Variants in ENTPD3 observed in about 807,000 individuals in gnomAD.
The protein encoded by ENTPD3 is ectonucleoside triphosphate diphosphohydrolase 3.
In ENTPD3, 60 loss-of-function variants were observed where a neutral mutation model predicts 51.2. The ratio of observed to expected loss-of-function variants is 1.17; its 90% CI spans 0.95 to 1.45. ENTPD3 has a LOEUF of 1.45. Ranked by LOEUF, ENTPD3 falls within the 40% of genes most tolerant of loss-of-function variation. The pLI, the probability that ENTPD3 is intolerant of heterozygous loss-of-function variation, is 0.00. For synonymous variants in ENTPD3, 221 were observed against 238.4 expected (o/e 0.93, Z 0.67); for missense variants, 593 against 641.1 (o/e 0.93, Z 0.81).
rs200401370 is a variant in ENTPD3, at chr3:40,421,026, T to A, written c.832-1824T>A. Among the ~76,000 whole-genome samples the A allele has an allele frequency of 0.012, 1,362 of 112,016 alleles. 64 individuals carry two copies. In the South Asian group the frequency reaches 0.13, roughly 11 times the overall value. The allele number at this position is 112,016 out of a possible 152,430, so 73.5% of individuals were successfully genotyped here. ...AATAATAATAATTAATTAATTTAAA[T>A]TTTTTTTTTTTTTTTGAGACGGAGT... On this transcript the variant is annotated intron_variant, in intron 7 of 10. Transcript: ENST00000301825.
rs202138813 is a variant in ENTPD3 at position 40,400,892 on chromosome 3, A to G, written c.169-2A>G. 6.2e-7 allele frequency: 1 copy of G among 1,611,390 alleles called. No individual in the cohort carries two copies. Among genetic ancestry groups the G allele is most frequent in the Non-Finnish European group, 8.5e-7 (1 of 1,178,006 alleles). ...TGACTCTCCCTTTCCCTTTTTATTC[A>G]GTATGGTATTGTGCTGGATGCCGGG... On this transcript the variant is annotated splice_acceptor_variant, in intron 3 of 10. Coordinates refer to ENST00000301825, the MANE Select transcript of ENTPD3 (RefSeq NM_001248.4). LOFTEE classifies it high-confidence loss of function.
At chr3:40,424,925 C>A in intron 10 of ENTPD3, 1 of 632,444 alleles carries the variant, frequency 1.6e-6, no homozygotes, top group South Asian at 1.7e-5. Flanking sequence ...ATAAGGATGT[C>A]TGGAGACATA....
chr3:40,393,921 G>A (rs1303812447), intron 3 of ENTPD3, among the ~76,000 whole-genome samples: 3 of 151,526 alleles, frequency 2.0e-5, no homozygotes, highest in African/African-American at 7.3e-5. Flanking sequence ...GTGGGCGCCT[G>A]TAGTCCCAGC....
Position 40,405,948 on chromosome 3 carries a change from C to T in ENTPD3, c.286+4937C>T, listed in dbSNP as rs115146350. Among the ~76,000 whole-genome samples the T allele has an allele frequency of 7.8e-3, 1,183 of 152,198 alleles. 8 individuals are homozygous for T. Among genetic ancestry groups the T allele is most frequent in the Non-Finnish European group, 8.7e-3 (593 of 68,020 alleles). ...TGTATTAGGTGCCTGCTGTTTGATACGAACTGTTCTTGGCACCAGGAATTC... is the reference window on the plus strand; with the variant it reads ...TGTATTAGGTGCCTGCTGTTTGATATGAACTGTTCTTGGCACCAGGAATTC... On this transcript the variant is annotated intron_variant, in intron 4 of 10. Transcript: ENST00000301825.
In ENTPD3 at chr3:40,421,081, T is replaced by C. The variant is rs993820300; in HGVS notation, c.832-1769T>C. On this transcript the variant is annotated intron_variant, in intron 7 of 10. Transcript: ENST00000301825. ...CTTTGTCACCCAGGCTGGAGTGTAA[T>C]GGTGCAATCTCGGTTTGCTGCAACC... 4.6e-5 allele frequency among the ~76,000 whole-genome samples: 7 copies of C among 151,532 alleles called. No individual in the cohort carries two copies. In the South Asian group the frequency reaches 1.5e-3, roughly 32 times the overall value.
chr3:40,393,793 T>C (rs527362603), intron 3 of ENTPD3, among the ~76,000 whole-genome samples: 6 of 152,012 alleles, frequency 3.9e-5, no homozygotes, highest in Admixed American at 6.6e-5. Flanking sequence ...GTATATAAAA[T>C]TGGGACTTTG....
chr3:40,403,435 GA>G (rs1274706099), intron 4 of ENTPD3, among the ~76,000 whole-genome samples: 1 of 152,154 alleles, frequency 6.6e-6, no homozygotes, highest in Non-Finnish European at 1.5e-5. Context: ...GCACTGGGTT[GA>G]AATGGTGTAA....
intron 2 of ENTPD3, 107 bp downstream of exon 2, chr3:40,388,204 C>T: frequency 9.3e-7 from 1 of 1,078,124 alleles, no homozygotes; most frequent in Non-Finnish European, 1.4e-6. Flanking sequence ...GATTGTTTAA[C>T]TTTATTGGTT....
At position 40,427,467 on chromosome 3, in the gene ENTPD3, C is replaced by A. The variant is rs952916140; in HGVS notation, c.1549C>A (p.His517Asn). 5.6e-6 allele frequency: 9 copies of A among 1,613,286 alleles called. No homozygotes were observed. Among genetic ancestry groups the A allele is most frequent in the Admixed American group, 3.3e-5 (2 of 59,994 alleles). ...GTGTTCAGCAACCAGAAGAAAGAGG[C>A]ACTCCGAGCATGCCTTTGACCATGC... ...YLCSATRRKR[H>N]SEHAFDHAVD... The change falls in exon 11 of 11, where the codon CAC (histidine) becomes AAC (asparagine). Residue 517 changes from histidine (H) to asparagine (N), a missense_variant. Coordinates refer to ENST00000301825, the MANE Select transcript of ENTPD3 (RefSeq NM_001248.4).
intron 4 of ENTPD3, among the ~76,000 whole-genome samples, chr3:40,403,516 C>G (rs1955419536): frequency 6.6e-6 from 1 of 152,170 alleles, no homozygotes. Flanking sequence ...AGAGCAAGAT[C>G]TTGAGCAAGG....
chr3:40,406,282 T>C (rs1419202451), intron 4 of ENTPD3, among the ~76,000 whole-genome samples: 1 of 152,094 alleles, frequency 6.6e-6, no homozygotes, highest in Non-Finnish European at 1.5e-5. Context: ...TGGAAGCTGC[T>C]CAGCATTTTC....
rs1181518946 is a variant in ENTPD3, at chr3:40,415,983, G to C, written c.741G>C (p.Leu247=). 2 of 1,613,486 alleles carry C rather than the reference G, an allele frequency of 1.2e-6. No homozygotes were observed. The highest frequency in any genetic ancestry group is 1.7e-6 in the Non-Finnish European group (2 of 1,179,878). The change falls in exon 7 of 11, where the codon CTG becomes CTC. Residue 247 remains leucine (L), a synonymous_variant. Transcript: ENST00000301825. ...CCAGCGACATCATGCAGGTGTCCCT[G>C]TATGGCTACGTATACACGCTCTACA... The part of the protein sequence containing the change: ...LNTSDIMQVS[L]YGYVYTLYTH...
chr3:40,419,561 T>C (rs2125608572), intron 7 of ENTPD3, among the ~76,000 whole-genome samples: 1 of 152,354 alleles, frequency 6.6e-6, no homozygotes. Flanking sequence ...AGATTGTGAT[T>C]GCAATCACAT....
At chr3:40,404,574 G>C (rs951659939) in intron 4 of ENTPD3, among the ~76,000 whole-genome samples, 3 of 146,584 alleles carry the variant, frequency 2.0e-5, no homozygotes, top group African/African-American at 7.3e-5. Context: ...TATGTGATTT[G>C]AGGAGGCACA....
At chr3:40,417,698 A>G (rs894231592) in intron 7 of ENTPD3, among the ~76,000 whole-genome samples, 12 of 152,098 alleles carry the variant, frequency 7.9e-5, no homozygotes, top group African/African-American at 4.8e-5. Flanking sequence ...GGGGATCTCA[A>G]TACTCACCAC....
chr3:40,424,016 ATGTG>A lies in ENTPD3; in HGVS notation c.1353+60_1353+63del. 3.5e-5 allele frequency: 56 copies of A among 1,611,972 alleles called. 1 individual carries two copies. In the Admixed American group the frequency reaches 9.3e-4, roughly 27 times the overall value. On this transcript the variant is annotated intron_variant, in intron 10 of 10. Coordinates refer to ENST00000301825, the MANE Select transcript of ENTPD3 (RefSeq NM_001248.4). ...TCTTCTTCCCAACAGAGAGGTTTGTATGTGTGTGTGGAACAAATGTAGAAGGTAA... is the reference window on the plus strand; with the variant it reads ...TCTTCTTCCCAACAGAGAGGTTTGTATGTGTGGAACAAATGTAGAAGGTAA...
In ENTPD3 at chr3:40,428,408, A is replaced by G. The variant is rs1356045126; in HGVS notation, c.*900A>G. 1 of 152,180 alleles carries G rather than the reference A, an allele frequency of 6.6e-6. No homozygotes were observed. The highest frequency in any genetic ancestry group is 1.5e-5 in the Non-Finnish European group (1 of 68,032). 9.4% of individuals were successfully genotyped at this position (152,180 alleles called of 1,614,324 possible). On this transcript the variant is annotated 3_prime_UTR_variant, in exon 11 of 11. Coordinates refer to ENST00000301825, the MANE Select transcript of ENTPD3 (RefSeq NM_001248.4). ...GAACATCCTACTCTATGATTTACTA[A>G]CCAATTACTTTCCCAGATCATAGAC...
intron 4 of ENTPD3, among the ~76,000 whole-genome samples, chr3:40,406,274 G>T (rs1053538161): frequency 1.3e-5 from 2 of 152,152 alleles, no homozygotes; most frequent in Non-Finnish European, 2.9e-5. Context: ...GCCAAGCATG[G>T]AAGCTGCTCA....
intron 4 of ENTPD3, among the ~76,000 whole-genome samples, chr3:40,408,031 C>T (rs536345530): frequency 7.9e-5 from 12 of 152,220 alleles, no homozygotes; most frequent in African/African-American, 2.9e-4. Context: ...GGACACCTCA[C>T]GGATCCAATC....
Sources: allele counts gnomAD v4.1 joint callset (sites outside exome capture counted in the v4.1 genomes callset), GRCh38; gene constraint gnomAD v4.1.1; transcripts MANE v1.5; gene names NCBI Gene and HGNC (gene_info 2026-07-23, HGNC 2026-07-21).